The following UPF2 variants were observed in gnomAD, a reference collection of about 807,000 sequenced individuals.
UPF2 encodes regulator of nonsense transcripts 2.
UPF2 carries 17 observed loss-of-function variants against 141.4 expected under a neutral mutation model. The ratio of observed to expected loss-of-function variants is 0.12; its 90% confidence interval spans 0.08 to 0.18. UPF2 has a LOEUF of 0.18. Among genes scored for constraint, UPF2 ranks in the 10% least tolerant of loss-of-function variants. UPF2 has a pLI of 1.00. For missense variants in UPF2, 1,152 were observed against 1,515.9 expected, an observed-to-expected ratio of 0.76 and a Z score of 3.99; for synonymous variants, 540 against 498.0, an observed-to-expected ratio of 1.08 and a Z score of -1.12.
chr10:11,923,980 T>C (rs961218612), intron 21 of UPF2, among the ~76,000 whole-genome samples: 5 of 152,218 alleles, frequency 3.3e-5, no homozygotes, highest in East Asian at 1.9e-4. Context: ...TTGAGAAGCA[T>C]TGAAATAACC....
At position 11,920,485 on chromosome 10, in the gene UPF2, GTGACATGT is replaced by G. The variant is rs1832627163; in HGVS notation, c.*805_*812del. On this transcript the variant is annotated 3_prime_UTR_variant, in exon 22 of 22. Coordinates refer to ENST00000357604, the MANE Select transcript of UPF2 (RefSeq NM_015542.4). The stretch of plus-strand genomic sequence containing the variant: ...TCTTGTTGTCCTTCGTTCGTTTTCT[GTGACATGT>G]TGACGGGCATGTTTTGTTTTCAATG... 1 of 152,672 alleles carries G rather than the reference GTGACATGT, an allele frequency of 6.5e-6. No homozygotes were observed. The highest frequency in any genetic ancestry group is 3.2e-3 in the Middle Eastern group (1 of 316). 9.5% of individuals were successfully genotyped at this position (152,672 alleles called of 1,614,324 possible).
chr10:11,959,498 A>C lies in UPF2; in HGVS notation c.2185-142T>G. The C allele has an allele frequency of 1.2e-5, 10 of 833,612 alleles. No individual in the cohort carries two copies. The South Asian group carries it at 2.3e-4, about 19-fold the overall frequency. The allele number at this position is 833,612 out of a possible 1,614,324, so 51.6% of individuals were successfully genotyped here. On this transcript the variant is annotated intron_variant, in intron 11 of 21. Transcript: ENST00000357604. The surrounding 1 kb of genome is among the most constrained non-coding windows in gnomAD (Gnocchi z 5.9). ...GAAAGGACTGGGCACTGTGGCTCAC[A>C]CCTATAATCCCAGCACTTTGGGAGA...
At position 11,999,987 on chromosome 10, in the gene UPF2, G is replaced by A; in HGVS notation, c.1677C>T (p.Ser559=). Residue 559 remains serine (S), a synonymous_variant, in exon 7 of 22, where the codon AGC becomes AGT. Transcript: ENST00000357604. ...CTATGAGCTTGAGATGAGATCCAGT[G>A]CTGGCTTCCTCATCTTCTTGTTCTA... is the stretch of plus-strand genomic sequence containing the variant. The part of the protein sequence containing the change: ...DEQEQEDEEA[S]TGSHLKLIVD... 1 of 1,608,868 alleles carries A rather than the reference G, an allele frequency of 6.2e-7. No homozygotes were observed. Among genetic ancestry groups the A allele is most frequent in the Non-Finnish European group, 8.5e-7 (1 of 1,178,568 alleles).
At chr10:11,937,739 T>C (rs1191311641) in intron 18 of UPF2, among the ~76,000 whole-genome samples, 2 of 152,154 alleles carry the variant, frequency 1.3e-5, no homozygotes, top group Admixed American at 1.3e-4. Flanking sequence ...TCTACCACCA[T>C]TTAAATAGTC....
intron 3 of UPF2, among the ~76,000 whole-genome samples, chr10:12,025,962 T>G (rs1172462615): frequency 6.6e-6 from 1 of 152,100 alleles, no homozygotes; most frequent in African/African-American, 2.4e-5. Flanking sequence ...CCCAGCTAAT[T>G]TTTATATTTT....
rs1443586279 is a variant in UPF2 at position 11,964,029 on chromosome 10, G to C, written c.2164C>G (p.Leu722Val). ...CTTACCAAAAGTACACTGGTCCTCA[G>C]GTGAGATTCTGGAGATCTGAAAAGA... ...RFLFRSPESH[L>V]RTSVLLEQMM... Residue 722 changes from leucine to valine, a missense_variant, in exon 11 of 22, where the codon CTG (leucine) becomes GTG (valine). Physicochemically the swap from Leu to Val is conservative, Grantham distance 32 (BLOSUM62 1). This residue lies in a region of UPF2 where 739 missense variants were observed against 1,032.2 expected (regional missense o/e 0.72). Coordinates refer to ENST00000357604, the MANE Select transcript of UPF2 (RefSeq NM_015542.4). The C allele has an allele frequency of 2.5e-6, 4 of 1,613,588 alleles. No homozygotes were observed. Among genetic ancestry groups the C allele is most frequent in the South Asian group, 2.2e-5 (2 of 91,030 alleles).
chr10:11,975,332 G>A (rs1833488940), intron 9 of UPF2, among the ~76,000 whole-genome samples: 1 of 152,280 alleles, frequency 6.6e-6, no homozygotes, highest in South Asian at 2.1e-4. Flanking sequence ...AGAGAACACA[G>A]AAAATTAGAA....
chr10:11,981,788 C>T (rs947906563), intron 8 of UPF2, among the ~76,000 whole-genome samples: 2 of 152,136 alleles, frequency 1.3e-5, no homozygotes, highest in African/African-American at 2.4e-5. Flanking sequence ...CGGGTTCAAG[C>T]GATACTTCTG....
chr10:12,029,531 A>G lies in UPF2; in HGVS notation c.366-7T>C. ...AATGGATTCTTCTTTTTCTCTATAT[A>G]AAAACAAACAAATAAATAAAATACT... On this transcript the variant is annotated splice_polypyrimidine_tract_variant and splice_region_variant and intron_variant, in intron 2 of 21. Coordinates refer to ENST00000357604, the MANE Select transcript of UPF2 (RefSeq NM_015542.4). 4 of 1,565,064 alleles carry G rather than the reference A, an allele frequency of 2.6e-6. No individual in the cohort carries two copies. Among genetic ancestry groups the G allele is most frequent in the Non-Finnish European group, 2.6e-6 (3 of 1,162,936 alleles).
intron 8 of UPF2, among the ~76,000 whole-genome samples, chr10:11,982,552 CCT>C (rs1413542863): frequency 6.6e-6 from 1 of 152,214 alleles, no homozygotes; most frequent in African/African-American, 2.4e-5. Context: ...TCCCAGTCTC[CCT>C]GTTTTGACCC....
intron 16 of UPF2, 27 bp downstream of exon 16, chr10:11,948,342 T>C: frequency 6.4e-7 from 1 of 1,552,316 alleles, no homozygotes. Flanking sequence ...AAATGTACTC[T>C]ATGTTGCTAC....
intron 3 of UPF2, among the ~76,000 whole-genome samples, chr10:12,020,152 CT>C (rs1251689049): frequency 6.6e-6 from 1 of 151,798 alleles, no homozygotes. Flanking sequence ...ATTAAGAGAA[CT>C]TTTTTCTTCT....
At chr10:11,943,286 C>CTAAA in intron 16 of UPF2, 118 bp from the exon 17 acceptor site, 1 of 904,592 alleles carries the variant, frequency 1.1e-6, no homozygotes, top group Non-Finnish European at 1.7e-6. Flanking sequence ...AGTTTTAGCT[C>CTAAA]TTTAGGTAGT....
chr10:11,979,297 T>C lies in UPF2; in HGVS notation c.1845-132A>G. 1 of 551,266 alleles carries C rather than the reference T, an allele frequency of 1.8e-6. No homozygotes were observed. The highest frequency in any genetic ancestry group is 3.4e-5 in the Admixed American group (1 of 29,646). 34.1% of individuals were successfully genotyped at this position (551,266 alleles called of 1,614,324 possible). A position where few individuals can be genotyped will look rare whatever the true frequency, so the allele number is the denominator to read the frequency against. ...CTCATAATCATACAGACATGCCTAT[T>C]TATTGCCATCATAAAGAAGTGTTTG... On this transcript the variant is annotated intron_variant, in intron 8 of 21. Coordinates refer to ENST00000357604, the MANE Select transcript of UPF2 (RefSeq NM_015542.4). The surrounding 1 kb of genome is among the most constrained non-coding windows in gnomAD (Gnocchi z 6.2).
rs1204744093 is a variant in UPF2, at chr10:11,938,842, G to GTT, written c.3379-2132_3379-2131dup. ...GTCCTAGCCATGTGGTCTTAAGCAA[G>GTT]TTTTTTTTTTGTTTTTTTTTTTTTT... is the stretch of plus-strand genomic sequence containing the variant. On this transcript the variant is annotated intron_variant, in intron 18 of 21. Coordinates refer to ENST00000357604, the MANE Select transcript of UPF2 (RefSeq NM_015542.4). Among the ~76,000 whole-genome samples the GTT allele has an allele frequency of 3.7e-3, 168 of 45,778 alleles. 7 individuals carry two copies. The highest frequency in any genetic ancestry group is 7.9e-3 in the African/African-American group (112 of 14,212). 30.0% of individuals were successfully genotyped at this position (45,778 alleles called of 152,430 possible). A position where few individuals can be genotyped will look rare whatever the true frequency, so the allele number is the denominator to read the frequency against.
rs557672804 is a variant in UPF2, at chr10:12,032,110, A to G, written c.366-2586T>C. ...GGAGTTCGAGATCAGCCTGACCAACATGGAGAAACACTGTCTCTACTAAAA... is the reference window on the plus strand; with the variant it reads ...GGAGTTCGAGATCAGCCTGACCAACGTGGAGAAACACTGTCTCTACTAAAA... On this transcript the variant is annotated intron_variant, in intron 2 of 21. Coordinates refer to ENST00000357604, the MANE Select transcript of UPF2 (RefSeq NM_015542.4). 5.3e-5 allele frequency among the ~76,000 whole-genome samples: 8 copies of G among 152,224 alleles called. No homozygotes were observed. The East Asian group carries it at 1.5e-3, about 29-fold the overall frequency.
intron 9 of UPF2, among the ~76,000 whole-genome samples, chr10:11,972,314 G>A (rs1378023458): frequency 1.3e-5 from 2 of 152,150 alleles, no homozygotes; most frequent in African/African-American, 2.4e-5. Flanking sequence ...AAAACCTACT[G>A]TAGGCTAAAC....
chr10:11,990,370 T>C (rs1408449881), intron 8 of UPF2, among the ~76,000 whole-genome samples: 2 of 152,188 alleles, frequency 1.3e-5, no homozygotes, highest in Non-Finnish European at 2.9e-5. Flanking sequence ...GCAATGCCCA[T>C]GCAGAACAGG....
At chr10:11,943,836 T>C (rs1479779667) in intron 16 of UPF2, among the ~76,000 whole-genome samples, 3 of 151,946 alleles carry the variant, frequency 2.0e-5, no homozygotes, top group Non-Finnish European at 4.4e-5. Context: ...AGTCAGTCCC[T>C]GCCTCCCTCC....
Sources: allele counts gnomAD v4.1 joint callset (sites outside exome capture counted in the v4.1 genomes callset), GRCh38; gene constraint gnomAD v4.1.1; regional missense constraint gnomAD v4.1.1; non-coding constraint Gnocchi (gnomAD v3.1); transcripts MANE v1.5; gene names NCBI Gene and HGNC (gene_info 2026-07-23, HGNC 2026-07-21).